PTPRM: variants seen among roughly 807,000 people sequenced by gnomAD.
PTPRM encodes the protein receptor-type tyrosine-protein phosphatase mu.
Under a neutral mutation model 186.7 loss-of-function variants are expected in PTPRM, and 47 were observed. The observed-to-expected ratio is 0.25, with a 90% CI of 0.20 to 0.32. The LOEUF is 0.32. PTPRM is among the 10% of genes least tolerant of loss of function. The probability of loss-of-function intolerance (pLI) is 1.00; values close to 1 mark genes in which losing one functional copy is unlikely to be tolerated. For synonymous variants in PTPRM, 668 were observed against 674.9 expected, an observed-to-expected ratio of 0.99 and a Z score of 0.16; for missense variants, 1,494 against 1,865.0, an observed-to-expected ratio of 0.80 and a Z score of 3.66.
intron 2 of PTPRM, among the ~76,000 whole-genome samples, chr18:7,795,961 G>C (rs560989331): frequency 6.6e-6 from 1 of 151,460 alleles, no homozygotes; most frequent in Non-Finnish European, 1.5e-5. Flanking sequence ...CTACAGGCAT[G>C]CACCACTACA....
intron 13 of PTPRM, among the ~76,000 whole-genome samples, chr18:8,118,526 A>G (rs2092042813): frequency 6.6e-6 from 1 of 152,136 alleles, no homozygotes; most frequent in South Asian, 2.1e-4. Flanking sequence ...TTGGCTGGGC[A>G]TGGTGGCTCA....
chr18:8,105,633 T>C (rs2091481469), intron 11 of PTPRM, among the ~76,000 whole-genome samples: 1 of 152,152 alleles, frequency 6.6e-6, no homozygotes, highest in Non-Finnish European at 1.5e-5. Flanking sequence ...AGTAATCTCT[T>C]CTGAAGGATT....
chr18:7,617,911 T>G (rs1278827234), intron 1 of PTPRM, among the ~76,000 whole-genome samples: 1 of 152,168 alleles, frequency 6.6e-6, no homozygotes, highest in Non-Finnish European at 1.5e-5. Context: ...CCCTGGACTT[T>G]CGGTTTTGTG....
At chr18:7,835,745 A>G (rs8098502) in intron 2 of PTPRM, among the ~76,000 whole-genome samples, 103,550 of 151,974 alleles carry the variant, frequency 0.68, 36,073 homozygotes, top group East Asian at 0.96. Context: ...ATATCTGGGT[A>G]CTTCAATGTT....
intron 20 of PTPRM, among the ~76,000 whole-genome samples, chr18:8,300,020 A>T (rs938582186): frequency 2.6e-5 from 4 of 152,148 alleles, no homozygotes; most frequent in Non-Finnish European, 5.9e-5. Flanking sequence ...GAGGTATCAG[A>T]TGTGATTTGT....
intron 7 of PTPRM, among the ~76,000 whole-genome samples, chr18:7,964,944 G>C (rs1168080742): frequency 6.6e-6 from 1 of 151,818 alleles, no homozygotes; most frequent in Non-Finnish European, 1.5e-5. Flanking sequence ...CTGTTATGCT[G>C]TGGTTGTGGA....
chr18:8,125,560 C>T (rs2092312173), intron 13 of PTPRM, among the ~76,000 whole-genome samples: 1 of 151,966 alleles, frequency 6.6e-6, no homozygotes, highest in Non-Finnish European at 1.5e-5. Flanking sequence ...ATTCTGGTTG[C>T]TGCCTTCTAA....
intron 5 of PTPRM, 41 bp downstream of exon 5, chr18:7,926,724 G>A (rs758858387): frequency 6.8e-7 from 1 of 1,473,342 alleles, no homozygotes; most frequent in South Asian, 1.2e-5. Flanking sequence ...GAGTCCAGCG[G>A]GAAGAATACA....
intron 23 of PTPRM, among the ~76,000 whole-genome samples, chr18:8,345,737 C>T (rs1353919835): frequency 6.6e-6 from 1 of 151,554 alleles, no homozygotes; most frequent in African/African-American, 2.4e-5. Context: ...ACTTGTTCCC[C>T]CATTTCATTT....
chr18:8,023,099 T>C (rs930685039), intron 7 of PTPRM, among the ~76,000 whole-genome samples: 1 of 131,106 alleles, frequency 7.6e-6, no homozygotes, highest in Non-Finnish European at 1.8e-5. Flanking sequence ...GTGGGTTTCA[T>C]GTTGCGGAGG....
At chr18:7,618,504 A>G (rs2143941812) in intron 1 of PTPRM, among the ~76,000 whole-genome samples, 1 of 152,332 alleles carries the variant, frequency 6.6e-6, no homozygotes, top group Non-Finnish European at 1.5e-5. Flanking sequence ...TGACAAGTGA[A>G]TAAATTACTG....
intron 24 of PTPRM, among the ~76,000 whole-genome samples, chr18:8,371,465 G>T (rs8090925): frequency 6.6e-6 from 1 of 152,094 alleles, no homozygotes; most frequent in African/African-American, 2.4e-5. Context: ...TGTGGCTTTC[G>T]AAACCTCTGG....
At chr18:7,577,961 G>C (rs1052143994) in intron 1 of PTPRM, among the ~76,000 whole-genome samples, 1 of 152,152 alleles carries the variant, frequency 6.6e-6, no homozygotes, top group Non-Finnish European at 1.5e-5. Flanking sequence ...GAGAGGGACA[G>C]GACACAGTGG....
At chr18:7,842,765 A>C (rs1386625522) in intron 2 of PTPRM, among the ~76,000 whole-genome samples, 3 of 150,664 alleles carry the variant, frequency 2.0e-5, no homozygotes, top group African/African-American at 7.4e-5. Context: ...TTAAAATCTC[A>C]ATCAATCTCT....
chr18:8,378,206 C>T lies in PTPRM; in HGVS notation c.3463-59C>T, dbSNP rs574481871. The T allele has an allele frequency of 6.7e-4, 998 of 1,497,740 alleles. 2 individuals are homozygous for T. Among genetic ancestry groups the T allele is most frequent in the Middle Eastern group, 1.0e-3 (6 of 5,740 alleles). The allele number at this position is 1,497,740 out of a possible 1,614,324, so 92.8% of individuals were successfully genotyped here. ...GATGATGTGGGGCTAAAATTGATAC[C>T]GTCTTTCCTCCTTCTCTGGTTCTCT... On this transcript the variant is annotated intron_variant, in intron 26 of 32. Coordinates refer to ENST00000580170, the MANE Select transcript of PTPRM (RefSeq NM_001105244.2).
intron 2 of PTPRM, among the ~76,000 whole-genome samples, chr18:7,861,134 A>T (rs1408717720): frequency 6.6e-6 from 1 of 152,100 alleles, no homozygotes; most frequent in Admixed American, 6.6e-5. Context: ...TCATTTTTGC[A>T]TCCTGTATCC....
At chr18:7,888,762 A>AT (rs1336472151) in intron 3 of PTPRM, among the ~76,000 whole-genome samples, 1 of 152,228 alleles carries the variant, frequency 6.6e-6, no homozygotes, top group Non-Finnish European at 1.5e-5. Context: ...ATTAAAAAAA[A>AT]CATGGTACAT....
At chr18:7,723,009 T>C (rs963827448) in intron 1 of PTPRM, among the ~76,000 whole-genome samples, 2 of 152,318 alleles carry the variant, frequency 1.3e-5, no homozygotes, top group Non-Finnish European at 2.9e-5. Flanking sequence ...AGTTTTTTTT[T>C]CCAAGAAGCC....
chr18:7,802,552 G>T (rs142930004), intron 2 of PTPRM, among the ~76,000 whole-genome samples: 1 of 152,114 alleles, frequency 6.6e-6, no homozygotes, highest in Non-Finnish European at 1.5e-5. Context: ...GTTTATTTCT[G>T]CCCTGTTTTC....
Sources: gnomAD v4.1 joint callset for allele counts (sites outside exome capture counted in the v4.1 genomes callset) on GRCh38, gnomAD v4.1.1 for gene constraint, MANE v1.5 for transcripts, NCBI Gene and HGNC (gene_info 2026-07-23, HGNC 2026-07-21) for gene names.